Variants in NCOR2 observed in about 807,000 individuals in gnomAD.
The protein encoded by NCOR2 is nuclear receptor corepressor 2.
Under a neutral mutation model 262.9 loss-of-function variants are expected in NCOR2, and 81 were observed. That is an observed-to-expected ratio of 0.31 (90% CI 0.26 to 0.37). NCOR2 has a LOEUF of 0.37. NCOR2 is among the 10% of genes least tolerant of loss of function. The pLI, the probability that NCOR2 is intolerant of heterozygous loss-of-function variation, is 1.00. For synonymous variants in NCOR2, 1,659 were observed against 1,559.3 expected (o/e 1.06, Z -1.51); for missense variants, 3,385 against 3,621.4 (o/e 0.93, Z 1.68).
At chr12:124,546,822 A>G (rs1594051452) in intron 1 of NCOR2, among the ~76,000 whole-genome samples, 1 of 151,768 alleles carries the variant, frequency 6.6e-6, no homozygotes, top group Non-Finnish European at 1.5e-5. Flanking sequence ...GGGAGGACCC[A>G]CTCTGCAGAC....
intron 4 of NCOR2, among the ~76,000 whole-genome samples, chr12:124,467,730 TCCTCATCACCCCA>T (rs2046535023): frequency 8.2e-6 from 1 of 122,240 alleles, no homozygotes; most frequent in Non-Finnish European, 1.7e-5. Flanking sequence ...ATCACCCTCA[TCCTCATCACCCCA>T]TCACCCTCAT....
intron 29 of NCOR2, 107 bp downstream of exon 31, chr12:124,348,054 ACCTCCAGATGGAG>A: frequency 6.6e-7 from 1 of 1,513,234 alleles, no homozygotes; most frequent in Non-Finnish European, 8.9e-7. Flanking sequence ...TCCCTGCGCT[ACCTCCAGATGGAG>A]CCTCAGAAAG....
chr12:124,388,158 C>T (rs1186332518), intron 16 of NCOR2, among the ~76,000 whole-genome samples: 10 of 152,264 alleles, frequency 6.6e-5, no homozygotes, highest in East Asian at 5.8e-4. Context: ...GTCATCCAGG[C>T]GCCTGGCCAG....
chr12:124,340,731 C>G, exon 35 of NCOR2: 1 of 1,545,588 alleles, frequency 6.5e-7, no homozygotes, highest in Non-Finnish European at 8.6e-7. Flanking sequence ...AGGTGTGGCA[C>G]TTGGGACAGG....
At chr12:124,334,019 T>TGTATATGTGTGTGTGCGC in intron 41 of NCOR2, among the ~76,000 whole-genome samples, 1 of 151,062 alleles carries the variant, frequency 6.6e-6, no homozygotes, top group Admixed American at 6.6e-5. Context: ...TGTGTGGGTG[T>TGTATATGTGTGTGTGCGC]GCATGTGTGG....
At chr12:124,547,908 G>A (rs980753473) in intron 1 of NCOR2, among the ~76,000 whole-genome samples, 1 of 152,138 alleles carries the variant, frequency 6.6e-6, no homozygotes, top group Non-Finnish European at 1.5e-5. Context: ...ATTTTTATAT[G>A]AGAAAAGTGT....
intron 17 of NCOR2, among the ~76,000 whole-genome samples, chr12:124,384,349 C>T (rs533900533): frequency 6.6e-6 from 1 of 152,182 alleles, no homozygotes; most frequent in African/African-American, 2.4e-5. Context: ...CCAGAAGGCC[C>T]GAAGCATCCA....
chr12:124,354,327 CT>C (rs2037769362), intron 26 of NCOR2, 131 bp from the exon 29 acceptor site: 2 of 1,168,984 alleles, frequency 1.7e-6, no homozygotes, highest in Non-Finnish European at 1.2e-6. Flanking sequence ...GGGAGTCCCC[CT>C]ACCCCTAAAT....
chr12:124,563,222 T>C (rs1384215617), intron 1 of NCOR2, among the ~76,000 whole-genome samples: 1 of 152,152 alleles, frequency 6.6e-6, no homozygotes, highest in South Asian at 2.1e-4. Context: ...AGCGGCTCTC[T>C]TGGGGATGGC....
At chr12:124,395,354 G>A (rs1028755153) in intron 16 of NCOR2, among the ~76,000 whole-genome samples, 1 of 151,052 alleles carries the variant, frequency 6.6e-6, no homozygotes, top group Non-Finnish European at 1.5e-5. Context: ...TCCTGCCATC[G>A]CCTGGAACAC....
chr12:124,395,516 T>C (rs868056482), intron 16 of NCOR2, among the ~76,000 whole-genome samples: 3 of 152,230 alleles, frequency 2.0e-5, no homozygotes, highest in South Asian at 2.1e-4. Context: ...GCCGTCTCCA[T>C]GGGCAGGACC....
At chr12:124,325,309 GGTTGGGGGAGTCGGCAGCC>G in exon 47 of NCOR2, 1 of 835,414 alleles carries the variant, frequency 1.2e-6, no homozygotes, top group African/African-American at 1.8e-5. Flanking sequence ...CTCCTTCCTT[GGTTGGGGGAGTCGGCAGCC>G]GCCCTGCTCC....
intron 34 of NCOR2, among the ~76,000 whole-genome samples, chr12:124,340,983 C>T (rs1291476177): frequency 1.3e-5 from 2 of 152,244 alleles, no homozygotes; most frequent in Non-Finnish European, 2.9e-5. Context: ...GGGGCATCTC[C>T]TGCAGCTGCC....
intron 1 of NCOR2, among the ~76,000 whole-genome samples, chr12:124,525,511 C>T (rs1160605382): frequency 6.6e-6 from 1 of 152,244 alleles, no homozygotes; most frequent in African/African-American, 2.4e-5. Context: ...TTTGCCATCC[C>T]CTCAACCAGG....
intron 1 of NCOR2, among the ~76,000 whole-genome samples, chr12:124,563,648 G>T (rs1337868320): frequency 6.6e-6 from 1 of 152,248 alleles, no homozygotes; most frequent in Non-Finnish European, 1.5e-5. Flanking sequence ...TCAAAACCAT[G>T]TTTTCATTTC....
chr12:124,371,562 A>G (rs1380274855), intron 20 of NCOR2, among the ~76,000 whole-genome samples: 1 of 152,206 alleles, frequency 6.6e-6, no homozygotes, highest in African/African-American at 2.4e-5. Flanking sequence ...GCATGCCAGC[A>G]ATCACGACCG....
chr12:124,488,189 T>C (rs1269111912), intron 1 of NCOR2, among the ~76,000 whole-genome samples: 3 of 152,180 alleles, frequency 2.0e-5, no homozygotes, highest in Admixed American at 2.0e-4. Context: ...GGTGGGTGCG[T>C]TGATAATGTA....
chr12:124,396,244 T>A lies in NCOR2; in HGVS notation c.1876+1875A>T, dbSNP rs2041649077. Among the ~76,000 whole-genome samples the A allele has an allele frequency of 2.0e-5, 3 of 152,232 alleles. No homozygotes were observed. In the South Asian group the frequency reaches 6.2e-4, roughly 32 times the overall value. On this transcript the variant is annotated intron_variant, in intron 16 of 46. Coordinates refer to ENST00000405201, the Ensembl canonical transcript of NCOR2. Reference sequence around the variant, plus strand: ...TTCCATCTGGGGTGAGAAAAAGTTCTGGAACTAGGCAGTGGTGAGGGTTGC... The same window carrying A: ...TTCCATCTGGGGTGAGAAAAAGTTCAGGAACTAGGCAGTGGTGAGGGTTGC...
At chr12:124,405,898 G>C (rs1031288540) in intron 13 of NCOR2, among the ~76,000 whole-genome samples, 2 of 152,174 alleles carry the variant, frequency 1.3e-5, no homozygotes, top group African/African-American at 4.8e-5. Flanking sequence ...GGGCTTCCCG[G>C]GCCACTGGGG....
Sources: allele counts gnomAD v4.1 joint callset (sites outside exome capture counted in the v4.1 genomes callset), GRCh38; gene constraint gnomAD v4.1.1; transcripts MANE v1.5; gene names NCBI Gene and HGNC (gene_info 2026-07-23, HGNC 2026-07-21).